Variants in FOXP2 observed in about 807,000 individuals in gnomAD.
The protein encoded by FOXP2 is forkhead box protein P2.
FOXP2 carries 12 observed loss-of-function variants against 115.8 expected under a neutral mutation model. That is an observed-to-expected ratio of 0.10 (90% confidence interval 0.07 to 0.17). The LOEUF is 0.17. Ranked by LOEUF, FOXP2 falls within the 10% of genes least tolerant of loss-of-function variation. The pLI, the probability that FOXP2 is intolerant of heterozygous loss-of-function variation, is 1.00. For missense variants in FOXP2, 629 were observed against 843.5 expected (o/e 0.75, Z 3.15); for synonymous variants, 328 against 297.7 (o/e 1.10, Z -1.05).
chr7:114,223,077 A>G (rs1468304073), intron 1 of FOXP2, among the ~76,000 whole-genome samples: 1 of 152,144 alleles, frequency 6.6e-6, no homozygotes, highest in African/African-American at 2.4e-5. Flanking sequence ...TGTTTCATAT[A>G]TATTTGTTGG....
Position 114,183,797 on chromosome 7 carries a change from T to A in FOXP2, c.-102+20709T>A, listed in dbSNP as rs146524556. Among the ~76,000 whole-genome samples, 410 of 152,288 alleles carry A rather than the reference T, an allele frequency of 2.7e-3. 2 individuals are homozygous for A. Among genetic ancestry groups the A allele is most frequent in the African/African-American group, 8.9e-3 (371 of 41,578 alleles). Reference sequence around the variant, plus strand: ...AAAATAGCTAATTAGTGATGCGCTGTTATAATTTTTAGGTTTACGAAAACC... The same window carrying A: ...AAAATAGCTAATTAGTGATGCGCTGATATAATTTTTAGGTTTACGAAAACC... On this transcript the variant is annotated intron_variant, in intron 1 of 17. Transcript: ENST00000634411.
At chr7:114,313,949 A>G (rs1017059229) in intron 2 of FOXP2, among the ~76,000 whole-genome samples, 1 of 151,964 alleles carries the variant, frequency 6.6e-6, no homozygotes, top group East Asian at 1.9e-4. Context: ...GTCTGGCTCC[A>G]TTAGTGGTTT....
At chr7:114,266,078 A>AC (rs1476846160) in intron 1 of FOXP2, among the ~76,000 whole-genome samples, 2 of 151,990 alleles carry the variant, frequency 1.3e-5, no homozygotes, top group African/African-American at 2.4e-5. Context: ...CAATGAAAAA[A>AC]AAAACAAAAA....
intron 1 of FOXP2, among the ~76,000 whole-genome samples, chr7:114,264,621 C>T (rs1349203155): frequency 2.6e-5 from 4 of 152,050 alleles, no homozygotes; most frequent in Non-Finnish European, 4.4e-5. Context: ...GTAGTATTAA[C>T]CTATTTGGGG....
At chr7:114,096,478 T>C (rs571025360) in intron 1 of FOXP2, among the ~76,000 whole-genome samples, 1 of 152,284 alleles carries the variant, frequency 6.6e-6, no homozygotes, top group South Asian at 2.1e-4. Context: ...AAGCCATCCC[T>C]AATCGTACGT....
At chr7:114,538,553 G>A (rs1327427689) in intron 3 of FOXP2, among the ~76,000 whole-genome samples, 5 of 151,540 alleles carry the variant, frequency 3.3e-5, no homozygotes, top group Admixed American at 2.6e-4. Context: ...ATAGTAAAAA[G>A]CAAAAGAGAA....
At chr7:114,199,389 A>G (rs910102267) in intron 1 of FOXP2, among the ~76,000 whole-genome samples, 2 of 152,122 alleles carry the variant, frequency 1.3e-5, no homozygotes, top group South Asian at 2.1e-4. Context: ...TATAAAATAA[A>G]TACATATATA....
At chr7:114,498,047 A>T (rs906482117) in intron 2 of FOXP2, among the ~76,000 whole-genome samples, 8 of 152,158 alleles carry the variant, frequency 5.3e-5, no homozygotes, top group African/African-American at 1.7e-4. Flanking sequence ...ACTATTATCT[A>T]TGATACCGAA....
chr7:114,625,192 C>T (rs942126531), intron 3 of FOXP2, among the ~76,000 whole-genome samples: 7 of 151,626 alleles, frequency 4.6e-5, no homozygotes, highest in Non-Finnish European at 1.0e-4. Flanking sequence ...CCAAAGATGA[C>T]TCTATTTCCT....
chr7:114,104,551 A>C (rs1388409233), intron 1 of FOXP2, among the ~76,000 whole-genome samples: 1 of 151,994 alleles, frequency 6.6e-6, no homozygotes. Context: ...TGATATGTAC[A>C]TTTTGTAGTC....
intron 2 of FOXP2, among the ~76,000 whole-genome samples, chr7:114,386,646 T>C (rs777062577): frequency 2.6e-5 from 4 of 152,144 alleles, no homozygotes; most frequent in Non-Finnish European, 5.9e-5. Context: ...TTACAGTCAA[T>C]GCACAGGGAA....
intron 3 of FOXP2, among the ~76,000 whole-genome samples, chr7:114,559,819 G>A (rs890866627): frequency 1.3e-4 from 20 of 150,808 alleles, no homozygotes; most frequent in Non-Finnish European, 2.6e-4. Flanking sequence ...AACCTGGCAG[G>A]CAGAGCTTGC....
In FOXP2 at chr7:114,691,400, A is replaced by G. The variant is rs1808660886; in HGVS notation, c.*1474A>G. 1 of 453,846 alleles carries G rather than the reference A, an allele frequency of 2.2e-6. No individual in the cohort carries two copies. The highest frequency in any genetic ancestry group is 2.0e-5 in the African/African-American group (1 of 49,976). 28.1% of individuals were successfully genotyped at this position (453,846 alleles called of 1,614,324 possible). ...GATTATAGCAATTGTAGTCCATGGT[A>G]TTTATTTTCAGTCAAACCAAAGTTA... On this transcript the variant is annotated 3_prime_UTR_variant, in exon 17 of 17. Transcript: ENST00000350908.
At chr7:114,378,774 G>T (rs1225274730) in intron 2 of FOXP2, among the ~76,000 whole-genome samples, 2 of 143,946 alleles carry the variant, frequency 1.4e-5, no homozygotes, top group Non-Finnish European at 3.0e-5. Flanking sequence ...GTACCTACAA[G>T]AATTCTACAT....
chr7:114,656,906 A>T (rs1310487994), intron 10 of FOXP2, among the ~76,000 whole-genome samples: 3 of 152,158 alleles, frequency 2.0e-5, no homozygotes, highest in Admixed American at 2.0e-4. Flanking sequence ...TAAGAAGTGT[A>T]TTTGGGATTT....
At chr7:114,358,536 C>T (rs117861605) in intron 2 of FOXP2, among the ~76,000 whole-genome samples, 2 of 152,098 alleles carry the variant, frequency 1.3e-5, no homozygotes, top group African/African-American at 4.8e-5. Context: ...GCTCAGAAGA[C>T]AGGGAAAGTT....
intron 1 of FOXP2, among the ~76,000 whole-genome samples, chr7:114,174,651 A>C (rs1272521917): frequency 6.6e-6 from 1 of 152,078 alleles, no homozygotes; most frequent in Non-Finnish European, 1.5e-5. Context: ...TTATTTATTA[A>C]ATGTCCAAAA....
Position 114,191,861 on chromosome 7 carries a change from A to G in FOXP2, c.-102+28773A>G, listed in dbSNP as rs533402535. On this transcript the variant is annotated intron_variant, in intron 1 of 17. Transcript: ENST00000634411. The stretch of plus-strand genomic sequence containing the variant: ...GACAAATGTACGATGTCATATATCC[A>G]CCATTACAGTATCATACAGAGAAGT... 2.6e-5 allele frequency among the ~76,000 whole-genome samples: 4 copies of G among 152,226 alleles called. No homozygotes were observed. The South Asian group carries it at 8.3e-4, about 32-fold the overall frequency.
intron 1 of FOXP2, among the ~76,000 whole-genome samples, chr7:114,099,720 A>G (rs1295639991): frequency 6.6e-6 from 1 of 152,170 alleles, no homozygotes; most frequent in African/African-American, 2.4e-5. Context: ...ACCAGAATCC[A>G]AGGATGCTCA....
Sources: gnomAD v4.1 joint callset for allele counts (sites outside exome capture counted in the v4.1 genomes callset) on GRCh38, gnomAD v4.1.1 for gene constraint, MANE v1.5 for transcripts, NCBI Gene and HGNC (gene_info 2026-07-23, HGNC 2026-07-21) for gene names.